Variants in WDR90 observed in about 807,000 individuals in gnomAD.
The protein encoded by WDR90 is WD repeat domain 90.
WDR90 carries 238 observed loss-of-function variants against 195.2 expected under a neutral mutation model. That is an observed-to-expected ratio of 1.22 (90% CI 1.10 to 1.36). The LOEUF is 1.36. WDR90 is among the 40% of genes most tolerant of loss of function. The pLI is 0.00. For synonymous variants in WDR90, 1,265 were observed against 1,052.4 expected, an observed-to-expected ratio of 1.20 and a Z score of -3.91; for missense variants, 2,734 against 2,439.5, an observed-to-expected ratio of 1.12 and a Z score of -2.54.
chr16:651,606 T>C (rs1388637586), intron 7 of WDR90, 38 bp from the exon 8 acceptor site: 2 of 1,597,976 alleles, frequency 1.3e-6, no homozygotes, highest in African/African-American at 2.7e-5. Context: ...TCTGCACAGC[T>C]GGCCCCTGGG....
intron 13 of WDR90, chr16:654,597 A>G (rs1435151721): frequency 6.2e-6 from 1 of 162,084 alleles, no homozygotes; most frequent in African/African-American, 2.4e-5. Flanking sequence ...CTTGTTAGCC[A>G]GGATGGTCTC....
chr16:650,747 C>T (rs1413630893), intron 5 of WDR90, 38 bp downstream of exon 5: 1 of 1,591,774 alleles, frequency 6.3e-7, no homozygotes, highest in East Asian at 2.3e-5. Context: ...CCATATCTCA[C>T]CCATGCTCTC....
At chr16:650,960 C>T (rs373729963) in intron 5 of WDR90, 35 bp from the exon 6 acceptor site, 1 of 1,606,032 alleles carries the variant, frequency 6.2e-7, no homozygotes, top group Non-Finnish European at 8.5e-7. Context: ...GGCTAAACAG[C>T]CTCCCTTGAC....
At position 653,530 on chromosome 16, in the gene WDR90, C is replaced by T. The variant is rs193044900; in HGVS notation, c.1239C>T (p.Ser413=). The change falls in exon 12 of 41, where the codon TCC becomes TCT. Residue 413 remains serine (S), a synonymous_variant. Transcript: ENST00000293879. ...CTCACCCTTCTGCCTCCTAGGTCTC[C>T]GCCCTGGCGCTGGATGGCAGCAGCT... ...RFFLGHTDKV[S]ALALDGSSSL... 41 of 1,613,184 alleles carry T rather than the reference C, an allele frequency of 2.5e-5. No homozygotes were observed. The highest frequency in any genetic ancestry group is 1.3e-4 in the African/African-American group (10 of 75,064).
At position 658,662 on chromosome 16, in the gene WDR90, G is replaced by A. The variant is rs373445792; in HGVS notation, c.2895+9G>A. ...CCAGCCCAGGCCCCCAGGTGTGTGC[G>A]TGGGGAGGCAGGTGGCTTTGGCGGT... On this transcript the variant is annotated intron_variant, in intron 23 of 40. Coordinates refer to ENST00000293879, the MANE Select transcript of WDR90 (RefSeq NM_145294.5). The A allele has an allele frequency of 2.4e-5, 39 of 1,602,376 alleles. No individual in the cohort carries two copies. The highest frequency in any genetic ancestry group is 2.0e-4 in the African/African-American group (15 of 74,810).
intron 17 of WDR90, 62 bp from the exon 18 acceptor site, chr16:656,240 G>A (rs1471679046): frequency 6.7e-7 from 1 of 1,488,084 alleles, no homozygotes; most frequent in African/African-American, 1.4e-5. Context: ...GGGACCCGAA[G>A]CCTGAGCATG....
upstream of WDR90, chr16:649,306 GAAGT>G: frequency 7.9e-7 from 1 of 1,260,570 alleles, no homozygotes; most frequent in Non-Finnish European, 1.0e-6. Context: ...CATGACGGCG[GAAGT>G]AATGGCGGAA....
chr16:657,946 G>T (rs1042399610), intron 21 of WDR90, 54 bp downstream of exon 21: 1 of 1,494,804 alleles, frequency 6.7e-7, no homozygotes. Flanking sequence ...GAGGCTGGCT[G>T]CAGGGGCAGG....
Position 661,669 on chromosome 16 carries a change from C to T in WDR90, c.3746C>T (p.Pro1249Leu), listed in dbSNP as rs200058073. Residue 1249 changes from proline to leucine, a missense_variant, in exon 31 of 41, where the codon CCG (proline) becomes CTG (leucine). Physicochemically the swap from Pro to Leu is moderately conservative, Grantham distance 98. Coordinates refer to ENST00000293879, the MANE Select transcript of WDR90 (RefSeq NM_145294.5). The part of the protein sequence containing the change: ...TYDLVSSTRL[P>L]EPVHGVAFNP... ...GACCTCGTGTCCTCCACCCGCCTCC[C>T]GGAGCCGGTGCATGGTGTGGCCTTC... 195 of 1,611,912 alleles carry T rather than the reference C, an allele frequency of 1.2e-4. No individual in the cohort carries two copies. The African/African-American group carries it at 1.8e-3, about 15-fold the overall frequency.
intron 34 of WDR90, chr16:663,070 C>T: frequency 1.4e-6 from 1 of 704,924 alleles, no homozygotes; most frequent in East Asian, 2.7e-5. Flanking sequence ...TGCAGGTCTT[C>T]TCAAACTGTC....
intron 7 of WDR90, 90 bp downstream of exon 7, chr16:651,356 G>C: frequency 6.9e-7 from 1 of 1,446,240 alleles, no homozygotes; most frequent in Non-Finnish European, 9.5e-7. Context: ...AAAGGACCCA[G>C]TGGTGTGCTG....
At position 652,094 on chromosome 16, in the gene WDR90, T is replaced by A. The variant is rs891468120; in HGVS notation, c.1053+55T>A. 2.0e-6 allele frequency: 3 copies of A among 1,519,056 alleles called. No homozygotes were observed. In the African/African-American group the frequency reaches 4.1e-5, roughly 21 times the overall value. 94.1% of individuals were successfully genotyped at this position (1,519,056 alleles called of 1,614,324 possible). A position where few individuals can be genotyped will look rare whatever the true frequency, so the allele number is the denominator to read the frequency against. Reference sequence around the variant, plus strand: ...CTGGTGAGGTGTGGGCTGGGGCAGCTGGTAGCCCGCCCCGAGATGCATTCA... The same window carrying A: ...CTGGTGAGGTGTGGGCTGGGGCAGCAGGTAGCCCGCCCCGAGATGCATTCA... On this transcript the variant is annotated intron_variant, in intron 9 of 40. Transcript: ENST00000293879.
rs1471524376 is a variant in WDR90 at position 655,762 on chromosome 16, C to T, written c.1850-11C>T. 6.3e-7 allele frequency: 1 copy of T among 1,583,732 alleles called. No individual in the cohort carries two copies. Among genetic ancestry groups the T allele is most frequent in the South Asian group, 1.1e-5 (1 of 87,768 alleles). The stretch of plus-strand genomic sequence containing the variant: ...AGGGACACCGAGGCACTGACGCCTC[C>T]CTGCCCCCAGGCCCCGGCATTGCCA... On this transcript the variant is annotated splice_polypyrimidine_tract_variant and intron_variant, in intron 16 of 40. Transcript: ENST00000293879.
At position 650,241 on chromosome 16, in the gene WDR90, T is replaced by A. The variant is rs1249131192; in HGVS notation, c.280-13T>A. On this transcript the variant is annotated splice_polypyrimidine_tract_variant and intron_variant, in intron 3 of 40. Transcript: ENST00000293879. ...GGCCCCTGTCTCCTCACGGCCCTGC[T>A]CCGTCCCCACAGGACAACCAAGTCA... The A allele has an allele frequency of 6.2e-7, 1 of 1,612,430 alleles. No individual in the cohort carries two copies. Among genetic ancestry groups the A allele is most frequent in the East Asian group, 2.2e-5 (1 of 44,858 alleles).
At position 651,242 on chromosome 16, in the gene WDR90, A is replaced by G. The variant is rs1386973218; in HGVS notation, c.712A>G (p.Lys238Glu). 4 of 1,613,052 alleles carry G rather than the reference A, an allele frequency of 2.5e-6. No homozygotes were observed. Among genetic ancestry groups the G allele is most frequent in the Non-Finnish European group, 8.5e-7 (1 of 1,179,944 alleles). The change falls in exon 7 of 41, where the codon AAG becomes GAG. Residue 238 changes from lysine (K) to glutamate (E), a missense_variant. Transcript: ENST00000293879. ...GAAAGTGCCTTCCAAGCCGATTGAG[A>G]AGAGCTGTTCCCCTCCTGAGGCAGG... ...SLKVPSKPIE[K>E]SCSPPEAVLL...
chr16:665,797 A>G lies in WDR90; in HGVS notation c.4430A>G (p.Asn1477Ser), dbSNP rs545330064. Residue 1477 changes from asparagine (N) to serine (S), a missense_variant, in exon 35 of 41, where the codon AAC becomes AGC. Physicochemically the swap from Asn to Ser is conservative, Grantham distance 46. Coordinates refer to ENST00000293879, the MANE Select transcript of WDR90 (RefSeq NM_145294.5). ...CTTGTGATCCAGTTCCAGGTGCTGA[A>G]CCAGGTGTGTGGGGAGTGCCCGGGC... Reference protein sequence around the residue: ...MELVIQFQVLNQSCLCLAWSP... With the variant: ...MELVIQFQVLSQSCLCLAWSP... The G allele has an allele frequency of 2.1e-6, 3 of 1,399,202 alleles. No homozygotes were observed. In the East Asian group the frequency reaches 1.2e-4, roughly 58 times the overall value. 86.7% of individuals were successfully genotyped at this position (1,399,202 alleles called of 1,614,324 possible).
At chr16:649,609 C>T (rs2037596780) in intron 1 of WDR90, 154 bp from the exon 2 acceptor site, 4 of 1,131,716 alleles carry the variant, frequency 3.5e-6, no homozygotes, top group Admixed American at 4.2e-5. Context: ...CTCGGGCGCC[C>T]GGCCTCGTCC....
At position 661,663 on chromosome 16, in the gene WDR90, G is replaced by A. The variant is rs369404763; in HGVS notation, c.3740G>A (p.Arg1247His). 29 of 1,611,280 alleles carry A rather than the reference G, an allele frequency of 1.8e-5. No individual in the cohort carries two copies. Among genetic ancestry groups the A allele is most frequent in the African/African-American group, 1.2e-4 (9 of 75,010 alleles). Reference protein sequence around the residue: ...TATYDLVSSTRLPEPVHGVAF... With the variant: ...TATYDLVSSTHLPEPVHGVAF... ...ACCTATGACCTCGTGTCCTCCACCCGCCTCCCGGAGCCGGTGCATGGTGTG... is the reference window on the plus strand; with the variant it reads ...ACCTATGACCTCGTGTCCTCCACCCACCTCCCGGAGCCGGTGCATGGTGTG... The change falls in exon 31 of 41, where the codon CGC becomes CAC. Residue 1247 changes from arginine (R) to histidine (H), a missense_variant. Transcript: ENST00000293879.
At chr16:667,237 C>T (rs2038110129) in intron 40 of WDR90, among the ~76,000 whole-genome samples, 195 bp from the exon 41 acceptor site, 1 of 152,226 alleles carries the variant, frequency 6.6e-6, no homozygotes, top group African/African-American at 2.4e-5. Flanking sequence ...GGAACTGGCC[C>T]AGCTGCAGGC....
Sources: allele counts gnomAD v4.1 joint callset (sites outside exome capture counted in the v4.1 genomes callset), GRCh38; gene constraint gnomAD v4.1.1; transcripts MANE v1.5; gene names NCBI Gene and HGNC (gene_info 2026-07-23, HGNC 2026-07-21).